SENP7: variants seen among roughly 807,000 people sequenced by gnomAD.
SENP7 encodes SUMO specific peptidase 7, also known as sentrin-specific protease 7.
SENP7 carries 64 observed loss-of-function variants against 141.2 expected under a neutral mutation model. That is an observed-to-expected ratio of 0.45 (90% CI 0.37 to 0.56). The LOEUF is 0.56. Ranked by LOEUF, SENP7 falls within the 20% of genes least tolerant of loss-of-function variation. The probability of loss-of-function intolerance (pLI) is 0.00; values close to 1 mark genes in which losing one functional copy is unlikely to be tolerated. For synonymous variants in SENP7, 382 were observed against 426.4 expected, an observed-to-expected ratio of 0.90 and a Z score of 1.28; for missense variants, 1,025 against 1,212.2, an observed-to-expected ratio of 0.85 and a Z score of 2.29.
chr3:101,396,083 G>T (rs1246317248), intron 6 of SENP7, among the ~76,000 whole-genome samples: 7 of 152,184 alleles, frequency 4.6e-5, no homozygotes, highest in Non-Finnish European at 1.0e-4. Context: ...TCTTAATCCA[G>T]ATGTCTGGCT....
intron 13 of SENP7, among the ~76,000 whole-genome samples, chr3:101,346,112 TGAA>T (rs1449200606): frequency 6.6e-6 from 1 of 152,054 alleles, no homozygotes; most frequent in Non-Finnish European, 1.5e-5. Flanking sequence ...GCTAAGGACA[TGAA>T]TAGACAATTC....
At chr3:101,454,107 C>T (rs977191978) in intron 4 of SENP7, among the ~76,000 whole-genome samples, 4 of 152,074 alleles carry the variant, frequency 2.6e-5, no homozygotes, top group Non-Finnish European at 4.4e-5. Context: ...AATGCAAAAT[C>T]GTACAGTCAT....
intron 11 of SENP7, chr3:101,359,321 A>G (rs1484027875): frequency 1.3e-5 from 2 of 151,568 alleles, no homozygotes; most frequent in Non-Finnish European, 2.9e-5. Flanking sequence ...AACTTTGCTG[A>G]AGTTGTTTAT....
chr3:101,439,130 C>G (rs12497901), intron 4 of SENP7, among the ~76,000 whole-genome samples: 23,711 of 94,136 alleles, frequency 0.25, 2,079 homozygotes, highest in Admixed American at 0.35. Context: ...AAGTGAGGAG[C>G]GTCTCTGCCC....
intron 6 of SENP7, among the ~76,000 whole-genome samples, chr3:101,380,443 C>CA (rs767226656): frequency 4.1e-4 from 39 of 94,240 alleles, no homozygotes; most frequent in South Asian, 1.1e-3. Context: ...CCGCCCCCCC[C>CA]CCCACACACA....
chr3:101,343,626 A>G, intron 14 of SENP7, 60 bp downstream of exon 14: 1 of 1,507,776 alleles, frequency 6.6e-7, no homozygotes, highest in Non-Finnish European at 8.9e-7. Flanking sequence ...CCTAATATCA[A>G]TGAATAAATG....
intron 13 of SENP7, among the ~76,000 whole-genome samples, chr3:101,346,989 G>A (rs528103586): frequency 1.3e-5 from 2 of 151,490 alleles, no homozygotes; most frequent in Admixed American, 6.6e-5. Context: ...GAAGGAGGGA[G>A]GAAGGAGGAA....
intron 6 of SENP7, among the ~76,000 whole-genome samples, chr3:101,382,423 ATCC>A (rs1202098341): frequency 6.6e-6 from 1 of 152,130 alleles, no homozygotes; most frequent in Non-Finnish European, 1.5e-5. Flanking sequence ...ACCTCAAGCC[ATCC>A]TCCTATCTTG....
At chr3:101,420,230 T>C (rs1274758371) in intron 4 of SENP7, among the ~76,000 whole-genome samples, 1 of 152,166 alleles carries the variant, frequency 6.6e-6, no homozygotes, top group African/African-American at 2.4e-5. Flanking sequence ...TAGCCGGGCA[T>C]GGTGGCGGGC....
chr3:101,390,120 T>TGA lies in SENP7; in HGVS notation c.677+8739_677+8740dup, dbSNP rs570226116. Among the ~76,000 whole-genome samples the TGA allele has an allele frequency of 8.2e-3, 1,222 of 149,896 alleles. 6 individuals are homozygous for TGA. The highest frequency in any genetic ancestry group is 0.012 in the South Asian group (59 of 4,778). ...CTGTAGTCCCAGCTACTTGGGAGTC[T>TGA]GAGACAGAAGAACTGCTTGAACCTG... On this transcript the variant is annotated intron_variant, in intron 6 of 23. Transcript: ENST00000394095.
intron 12 of SENP7, among the ~76,000 whole-genome samples, chr3:101,348,271 CTAAA>C (rs2059524830): frequency 1.3e-5 from 2 of 151,900 alleles, no homozygotes; most frequent in East Asian, 1.9e-4. Flanking sequence ...TTAGGAAGGG[CTAAA>C]TAATTATTAA....
intron 4 of SENP7, among the ~76,000 whole-genome samples, chr3:101,424,890 T>G (rs1446643334): frequency 1.3e-5 from 2 of 152,182 alleles, no homozygotes; most frequent in African/African-American, 4.8e-5. Context: ...AGGGACCTAG[T>G]GGGAGTTCAC....
chr3:101,369,120 ATT>A (rs529700356), intron 7 of SENP7, among the ~76,000 whole-genome samples: 1 of 152,206 alleles, frequency 6.6e-6, no homozygotes, highest in South Asian at 2.1e-4. Context: ...AATATTTAAT[ATT>A]TGTTATCAAA....
intron 11 of SENP7, among the ~76,000 whole-genome samples, chr3:101,361,250 C>T (rs2059894002): frequency 6.6e-6 from 1 of 151,242 alleles, no homozygotes; most frequent in Non-Finnish European, 1.5e-5. Flanking sequence ...CGAGTAGAAT[C>T]CAGTCTCACT....
intron 3 of SENP7, among the ~76,000 whole-genome samples, chr3:101,474,190 A>G (rs928878373): frequency 6.6e-6 from 1 of 152,194 alleles, no homozygotes; most frequent in Non-Finnish European, 1.5e-5. Flanking sequence ...TTTTGGTTCC[A>G]TATGAATTTT....
At chr3:101,401,055 G>A (rs1246269007) in intron 5 of SENP7, among the ~76,000 whole-genome samples, 7 of 150,336 alleles carry the variant, frequency 4.7e-5, no homozygotes, top group East Asian at 3.9e-4. Context: ...CTAGGATTGC[G>A]CCACCTCTGT....
chr3:101,330,368 G>C lies in SENP7; in HGVS notation c.2717C>G (p.Thr906Ser), dbSNP rs1251504066. The change falls in exon 20 of 24, where the codon ACT (threonine) becomes AGT (serine). Residue 906 changes from threonine to serine, a missense_variant. By Grantham distance (58) the Thr-to-Ser change is moderately conservative. Around this residue, in one of 4 missense-constraint regions of SENP7, gnomAD observed 295 missense variants for 459.1 expected, o/e 0.64. Transcript: ENST00000394095. ...CTCTGCACTCAAAGACAGTGTCGAA[G>C]TAGTACGTAGATCATTATCTAGTTA... ...NKTIDNDLRTTSTLSLSAEDS... is the reference protein window; with the variant it reads ...NKTIDNDLRTSSTLSLSAEDS... The C allele has an allele frequency of 6.2e-7, 1 of 1,607,204 alleles. No individual in the cohort carries two copies. Among genetic ancestry groups the C allele is most frequent in the Non-Finnish European group, 8.5e-7 (1 of 1,174,348 alleles).
intron 4 of SENP7, among the ~76,000 whole-genome samples, chr3:101,454,592 A>G (rs1299915473): frequency 6.6e-6 from 1 of 152,232 alleles, no homozygotes; most frequent in East Asian, 1.9e-4. Context: ...GTTTATGACA[A>G]TATTATTCAT....
intron 4 of SENP7, among the ~76,000 whole-genome samples, chr3:101,418,695 C>T (rs540616486): frequency 1.4e-5 from 2 of 143,192 alleles, no homozygotes; most frequent in African/African-American, 5.1e-5. Context: ...AAAAAAAAAA[C>T]CACTTGTTTG....
Sources: gnomAD v4.1 joint callset for allele counts (sites outside exome capture counted in the v4.1 genomes callset) on GRCh38, gnomAD v4.1.1 for gene constraint, gnomAD v4.1.1 regional missense constraint, MANE v1.5 for transcripts, NCBI Gene and HGNC (gene_info 2026-07-23, HGNC 2026-07-21) for gene names.